CALM2: variants seen among roughly 807,000 people sequenced by gnomAD.
CALM2 encodes the protein calmodulin 2, also known as calmodulin-2.
A neutral mutation model predicts 19.8 loss-of-function variants in CALM2; 2 were observed. The ratio of observed to expected loss-of-function variants is 0.10; its 90% CI spans 0.04 to 0.32. The LOEUF is 0.32. Among genes scored for constraint, CALM2 ranks in the 10% least tolerant of loss-of-function variants. The pLI is 1.00. For synonymous variants in CALM2, 51 were observed against 52.1 expected (o/e 0.98, Z 0.09); for missense variants, 38 against 178.7 (o/e 0.21, Z 4.49).
Position 47,167,814 on chromosome 2 carries a change from C to CTTTTTTTTTTTTTTTTTTTTT in CALM2, c.34+2919_34+2920insAAAAAAAAAAAAAAAAAAAAA. ...AAAAAAAAAAATTTTTTTTTCTTTT[C>CTTTTTTTTTTTTTTTTTTTTT]TTTGAGACAGGGTCTTGCTGTGTTG... On this transcript the variant is annotated intron_variant, in intron 2 of 5. Coordinates refer to ENST00000272298, the MANE Select transcript of CALM2 (RefSeq NM_001743.6). 12 of 96,518 alleles carry CTTTTTTTTTTTTTTTTTTTTT rather than the reference C, an allele frequency of 1.2e-4. 1 individual carries two copies. In the South Asian group the frequency reaches 1.7e-3, roughly 14 times the overall value. 6.0% of individuals were successfully genotyped at this position (96,518 alleles called of 1,614,324 possible).
At chr2:47,176,371 T>A in intron 1 of CALM2, 70 bp downstream of exon 1, 1 of 1,585,386 alleles carries the variant, frequency 6.3e-7, no homozygotes, top group Non-Finnish European at 8.6e-7. Flanking sequence ...CGAGTTTCCT[T>A]TGTTTAGTCA....
At chr2:47,172,671 C>A (rs1380320403) in intron 1 of CALM2, 2 of 323,966 alleles carry the variant, frequency 6.2e-6, no homozygotes, top group African/African-American at 2.2e-5. Flanking sequence ...AACCCAGCGA[C>A]AGATGCAGCG....
At chr2:47,160,847 GACC>G (rs1687132709) in intron 5 of CALM2, 43 bp from the exon 6 acceptor site, 3 of 282,408 alleles carry the variant, frequency 1.1e-5, no homozygotes, top group Non-Finnish European at 1.0e-5. Context: ...AATAGCAAAA[GACC>G]AAAAAAAAAA....
At chr2:47,161,332 G>C (rs530252567) in intron 5 of CALM2, among the ~76,000 whole-genome samples, 77 of 152,178 alleles carry the variant, frequency 5.1e-4, no homozygotes, top group African/African-American at 1.7e-3. Context: ...AAAGAAAAAA[G>C]ACAATACAGT....
rs756979762 is a variant in CALM2, at chr2:47,176,491, C to G, written c.-48G>C. On this transcript the variant is annotated 5_prime_UTR_variant, in exon 1 of 6. Coordinates refer to ENST00000272298, the MANE Select transcript of CALM2 (RefSeq NM_001743.6). ...GAGACGCGACCACACAACCACTCAG[C>G]TCGCTCTCTCCACTCGGACTAATTC... 6.2e-6 allele frequency: 10 copies of G among 1,612,486 alleles called. No individual in the cohort carries two copies. Among genetic ancestry groups the G allele is most frequent in the Non-Finnish European group, 8.5e-6 (10 of 1,179,428 alleles).
rs1481884663 is a variant in CALM2 at position 47,162,265 on chromosome 2, CATATCCA to C, written c.285+14_285+20del. The C allele has an allele frequency of 1.7e-6, 2 of 1,196,420 alleles. No homozygotes were observed. The highest frequency in any genetic ancestry group is 3.3e-5 in the African/African-American group (2 of 60,952). 74.1% of individuals were successfully genotyped at this position (1,196,420 alleles called of 1,614,324 possible). A position where few individuals can be genotyped will look rare whatever the true frequency, so the allele number is the denominator to read the frequency against. On this transcript the variant is annotated intron_variant, in intron 4 of 5. Coordinates refer to ENST00000272298, the MANE Select transcript of CALM2 (RefSeq NM_001743.6). ...TCTTCATTTCATCCTCAAAATTTAA[CATATCCA>C]GTCCTTGACGTACCTTATCAAACAC...
At chr2:47,167,203 TCAAA>T (rs1318561693) in intron 2 of CALM2, among the ~76,000 whole-genome samples, 3 of 152,152 alleles carry the variant, frequency 2.0e-5, no homozygotes, top group Admixed American at 6.5e-5. Flanking sequence ...AATATTTTTC[TCAAA>T]CAAATTTGGA....
intron 2 of CALM2, among the ~76,000 whole-genome samples, chr2:47,165,468 T>C (rs113221026): frequency 7.6e-4 from 116 of 152,300 alleles, no homozygotes; most frequent in African/African-American, 2.7e-3. Context: ...AACAAATACA[T>C]ACTTAATAAA....
chr2:47,176,456 A>G lies in CALM2; in HGVS notation c.-13T>C. Reference sequence around the variant, plus strand: ...ATGCACTCACCATGCTGCAAGCGCTACCGGTTTCCGAGACGCGACCACACA... The same window carrying G: ...ATGCACTCACCATGCTGCAAGCGCTGCCGGTTTCCGAGACGCGACCACACA... On this transcript the variant is annotated 5_prime_UTR_variant, in exon 1 of 6. Transcript: ENST00000272298. 6.2e-7 allele frequency: 1 copy of G among 1,613,706 alleles called. No individual in the cohort carries two copies. The highest frequency in any genetic ancestry group is 1.1e-5 in the South Asian group (1 of 91,048).
intron 2 of CALM2, chr2:47,163,789 C>T (rs140548806): frequency 6.6e-6 from 1 of 152,442 alleles, no homozygotes; most frequent in Non-Finnish European, 1.5e-5. Context: ...TGGTGCAACA[C>T]TCCAGACTAC....
intron 4 of CALM2, 85 bp downstream of exon 4, chr2:47,162,201 C>CAAAAAAAAAAAAAAA (rs1553431766): frequency 7.6e-6 from 1 of 130,862 alleles, no homozygotes; most frequent in Non-Finnish European, 1.3e-5. Context: ...AAAAAAAAAA[C>CAAAAAAAAAAAAAAA]AACCAAAAAA....
intron 1 of CALM2, 76 bp downstream of exon 1, chr2:47,176,365 T>A (rs1226657666): frequency 7.7e-6 from 12 of 1,567,104 alleles, no homozygotes; most frequent in Non-Finnish European, 1.0e-5. Flanking sequence ...GGGAGGCGAG[T>A]TTCCTTTGTT....
intron 1 of CALM2, chr2:47,171,330 C>T (rs1446946716): frequency 6.6e-6 from 1 of 152,322 alleles, no homozygotes; most frequent in African/African-American, 2.4e-5. Flanking sequence ...CAAAGTAAGC[C>T]CAAGGCTTGT....
At chr2:47,162,415 T>G in intron 3 of CALM2, 23 bp from the exon 4 acceptor site, 1 of 1,606,282 alleles carries the variant, frequency 6.2e-7, no homozygotes, top group South Asian at 1.1e-5. Flanking sequence ...AGTGGAAACA[T>G]CAAAGCTTTA....
chr2:47,174,409 T>C (rs1666777197), intron 1 of CALM2, among the ~76,000 whole-genome samples: 1 of 152,184 alleles, frequency 6.6e-6, no homozygotes, highest in Non-Finnish European at 1.5e-5. Flanking sequence ...CAGGCCATTA[T>C]GTCCGGCTAA....
At chr2:47,176,416 G>A (rs759387910) in intron 1 of CALM2, 25 bp downstream of exon 1, 21 of 1,612,394 alleles carry the variant, frequency 1.3e-5, no homozygotes, top group Non-Finnish European at 1.7e-5. Flanking sequence ...CAGGCCCAGC[G>A]CCGGCAGCTC....
In CALM2 at chr2:47,167,809, C is replaced by CTTTTTTTTTTTTTTTTTTT. The variant is rs1400752450; in HGVS notation, c.34+2924_34+2925insAAAAAAAAAAAAAAAAAAA. The stretch of plus-strand genomic sequence containing the variant: ...AAAAAAAAAAAAAAAATTTTTTTTT[C>CTTTTTTTTTTTTTTTTTTT]TTTTCTTTGAGACAGGGTCTTGCTG... On this transcript the variant is annotated intron_variant, in intron 2 of 5. Transcript: ENST00000272298. The CTTTTTTTTTTTTTTTTTTT allele has an allele frequency of 2.2e-4, 4 of 18,236 alleles. 1 individual carries two copies. The highest frequency in any genetic ancestry group is 8.0e-4 in the African/African-American group (3 of 3,746). The allele number at this position is 18,236 out of a possible 1,614,324, so 1.1% of individuals were successfully genotyped here. A position where few individuals can be genotyped will look rare whatever the true frequency, so the allele number is the denominator to read the frequency against.
chr2:47,170,301 A>G (rs1413192427), intron 2 of CALM2, among the ~76,000 whole-genome samples: 1 of 152,234 alleles, frequency 6.6e-6, no homozygotes, highest in Non-Finnish European at 1.5e-5. Flanking sequence ...TGCAATTCTT[A>G]GGTTAAAATG....
Position 47,175,081 on chromosome 2 carries a change from G to GTTTT in CALM2, c.3+1356_3+1359dup, listed in dbSNP as rs563702873. On this transcript the variant is annotated intron_variant, in intron 1 of 5. Transcript: ENST00000272298. ...TCACAGATCACCGCCCTCATTAGGT[G>GTTTT]TTTTTTTTTTTTTTTTTCAGGAAAG... 1.9e-4 allele frequency among the ~76,000 whole-genome samples: 15 copies of GTTTT among 77,944 alleles called. 2 individuals carry two copies. Among genetic ancestry groups the GTTTT allele is most frequent in the Admixed American group, 9.4e-4 (6 of 6,364 alleles). The allele number at this position is 77,944 out of a possible 152,430, so 51.1% of individuals were successfully genotyped here.
Sources: allele counts gnomAD v4.1 joint callset (sites outside exome capture counted in the v4.1 genomes callset), GRCh38; gene constraint gnomAD v4.1.1; transcripts MANE v1.5; gene names NCBI Gene and HGNC (gene_info 2026-07-23, HGNC 2026-07-21).